Variants in SAMD5 observed in about 807,000 individuals in gnomAD.
SAMD5 encodes sterile alpha motif domain containing 5.
In SAMD5, 13 loss-of-function variants were observed where a neutral mutation model predicts 11.3. The ratio of observed to expected loss-of-function variants is 1.15; its 90% CI spans 0.75 to 1.83. The LOEUF is 1.83. Among genes scored for constraint, SAMD5 ranks in the 40% most tolerant of loss-of-function variants. The pLI is 0.00. For synonymous variants in SAMD5, 129 were observed against 111.3 expected, an observed-to-expected ratio of 1.16 and a Z score of -1.00; for missense variants, 255 against 239.1, an observed-to-expected ratio of 1.07 and a Z score of -0.44.
At chr6:147,717,673 C>A (rs577830118) in intron 1 of SAMD5, among the ~76,000 whole-genome samples, 11 of 152,206 alleles carry the variant, frequency 7.2e-5, no homozygotes, top group African/African-American at 2.6e-4. Flanking sequence ...CATGGCGAAA[C>A]CCTGTTTCTA....
At chr6:147,816,301 A>AAATATATATATATATATATAT in the SAMD5 span, among the ~76,000 whole-genome samples, 2 of 66,360 alleles carry the variant, frequency 3.0e-5, no homozygotes, top group Non-Finnish European at 4.8e-5. Context: ...AAAAAAAAAA[A>AAATATATATATATATATATAT]ATATATATAT....
chr6:147,515,028 C>A (rs1204266193), intron 1 of SAMD5, among the ~76,000 whole-genome samples: 1 of 152,092 alleles, frequency 6.6e-6, no homozygotes, highest in Non-Finnish European at 1.5e-5. Context: ...TGTGTGTTGG[C>A]AGAAGCTGAA....
At chr6:147,796,470 C>T in the SAMD5 span, among the ~76,000 whole-genome samples, 1 of 152,046 alleles carries the variant, frequency 6.6e-6, no homozygotes, top group Non-Finnish European at 1.5e-5. Flanking sequence ...GTTACTGTAG[C>T]CTTGTAGTAT....
intron 1 of SAMD5, chr6:147,729,613 AAAGC>A (rs1340445118): frequency 2.9e-6 from 1 of 349,224 alleles, no homozygotes; most frequent in Non-Finnish European, 5.6e-6. Flanking sequence ...GGAAAAGAAG[AAAGC>A]AGTGACAAGA....
the SAMD5 span, among the ~76,000 whole-genome samples, chr6:147,808,277 A>G: frequency 6.6e-6 from 1 of 152,220 alleles, no homozygotes; most frequent in Non-Finnish European, 1.5e-5. Context: ...ACCATTGCTC[A>G]CTGCAGCCTT....
chr6:147,661,622 T>G (rs2128454472), intron 1 of SAMD5, among the ~76,000 whole-genome samples: 1 of 152,170 alleles, frequency 6.6e-6, no homozygotes, highest in South Asian at 2.1e-4. Context: ...CTCTTTGTGT[T>G]TGTTTGTTTA....
At chr6:147,766,692 A>C in the SAMD5 span, among the ~76,000 whole-genome samples, 1 of 152,222 alleles carries the variant, frequency 6.6e-6, no homozygotes, top group East Asian at 1.9e-4. Flanking sequence ...GGAATAAACC[A>C]AGAAAGATAC....
chr6:147,664,615 A>G lies in SAMD5; in HGVS notation c.163-72702A>G, dbSNP rs372249317. Among the ~76,000 whole-genome samples the G allele has an allele frequency of 2.0e-5, 3 of 152,338 alleles. No individual in the cohort carries two copies. The East Asian group carries it at 5.8e-4, about 29-fold the overall frequency. On this transcript the variant is annotated intron_variant, in intron 1 of 1. Transcript: ENST00000566741. ...CAAATAACAATCTCCATATAATGAA[A>G]ATAAATAAAAACACAAATCTAGAAA... is the stretch of plus-strand genomic sequence containing the variant.
intron 1 of SAMD5, among the ~76,000 whole-genome samples, chr6:147,654,359 T>A (rs1790535078): frequency 6.6e-6 from 1 of 152,134 alleles, no homozygotes; most frequent in African/African-American, 2.4e-5. Context: ...AGTATGAATT[T>A]CTCCGCTAAG....
chr6:147,762,004 C>G, the SAMD5 span, among the ~76,000 whole-genome samples: 1,085 of 152,098 alleles, frequency 7.1e-3, 5 homozygotes, highest in Middle Eastern at 0.027. Context: ...TGAGCCACCA[C>G]GCCTGGCCTT....
At chr6:147,773,813 A>T in the SAMD5 span, among the ~76,000 whole-genome samples, 1 of 152,038 alleles carries the variant, frequency 6.6e-6, no homozygotes, top group Non-Finnish European at 1.5e-5. Flanking sequence ...ATGTGTTCTC[A>T]GGTGGTGAAA....
At chr6:147,722,361 G>C (rs1791567712) in intron 1 of SAMD5, among the ~76,000 whole-genome samples, 1 of 152,000 alleles carries the variant, frequency 6.6e-6, no homozygotes, top group South Asian at 2.1e-4. Flanking sequence ...AAACAATTGA[G>C]AGAACTGTTT....
At chr6:147,819,583 CAAGT>C in the SAMD5 span, among the ~76,000 whole-genome samples, 6 of 152,130 alleles carry the variant, frequency 3.9e-5, no homozygotes, top group Non-Finnish European at 8.8e-5. Context: ...TGCAAATTCC[CAAGT>C]GAGTTTTAAC....
At chr6:147,670,395 G>C (rs1790779055) in intron 1 of SAMD5, among the ~76,000 whole-genome samples, 1 of 152,196 alleles carries the variant, frequency 6.6e-6, no homozygotes, top group Non-Finnish European at 1.5e-5. Flanking sequence ...AAGAGAATCA[G>C]CCTTTCTGTT....
chr6:147,580,954 CT>C (rs1319271657), intron 1 of SAMD5, among the ~76,000 whole-genome samples: 1 of 152,106 alleles, frequency 6.6e-6, no homozygotes, highest in Non-Finnish European at 1.5e-5. Flanking sequence ...TCTGAGGTGG[CT>C]TTTTATTCTA....
chr6:147,880,743 G>A, the SAMD5 span, among the ~76,000 whole-genome samples: 7 of 151,962 alleles, frequency 4.6e-5, no homozygotes, highest in Non-Finnish European at 8.8e-5. Flanking sequence ...CCTCCTTGTC[G>A]TTCAGCCTTT....
At chr6:147,585,013 A>G (rs544805937) in intron 1 of SAMD5, among the ~76,000 whole-genome samples, 7 of 151,996 alleles carry the variant, frequency 4.6e-5, no homozygotes, top group African/African-American at 1.7e-4. Flanking sequence ...GGAGGATGGG[A>G]GAGAGCTCTT....
chr6:147,800,800 T>G, the SAMD5 span, among the ~76,000 whole-genome samples: 1 of 152,216 alleles, frequency 6.6e-6, no homozygotes, highest in South Asian at 2.1e-4. Context: ...TTAGAACCTA[T>G]TAATGGGAAA....
the SAMD5 span, among the ~76,000 whole-genome samples, chr6:147,838,887 A>G: frequency 6.6e-6 from 1 of 152,212 alleles, no homozygotes; most frequent in African/African-American, 2.4e-5. Context: ...CGGCTACAGG[A>G]GGCCTGAAGC....
Sources: gnomAD v4.1 joint callset for allele counts (sites outside exome capture counted in the v4.1 genomes callset) on GRCh38, gnomAD v4.1.1 for gene constraint, MANE v1.5 for transcripts, NCBI Gene and HGNC (gene_info 2026-07-23, HGNC 2026-07-21) for gene names.